Variants in FTO observed in about 807,000 individuals in gnomAD.
FTO encodes the protein FTO alpha-ketoglutarate dependent dioxygenase.
Under a neutral mutation model 63.9 loss-of-function variants are expected in FTO, and 47 were observed. The ratio of observed to expected loss-of-function variants is 0.74; its 90% CI spans 0.58 to 0.94. The LOEUF (loss-of-function observed/expected upper bound fraction) is 0.94, where lower values mean the gene tolerates loss of function less well. Among genes scored for constraint, FTO ranks in the 40% least tolerant of loss-of-function variants. The pLI is 0.00. For missense variants in FTO, 562 were observed against 618.1 expected (o/e 0.91, Z 0.96); for synonymous variants, 207 against 224.4 (o/e 0.92, Z 0.69).
intron 8 of FTO, among the ~76,000 whole-genome samples, chr16:54,011,876 G>A (rs1253599781): frequency 6.6e-6 from 1 of 152,132 alleles, no homozygotes; most frequent in Non-Finnish European, 1.5e-5. Flanking sequence ...TGTGTTCTGA[G>A]TGATCCACCA....
At chr16:53,991,536 A>G (rs1349869773) in intron 8 of FTO, 1 of 152,222 alleles carries the variant, frequency 6.6e-6, no homozygotes, top group African/African-American at 2.4e-5. Context: ...TGTATGCTAA[A>G]TATGCAAGCA....
At chr16:54,016,823 A>T (rs180727017) in intron 8 of FTO, among the ~76,000 whole-genome samples, 1 of 152,280 alleles carries the variant, frequency 6.6e-6, no homozygotes, top group Admixed American at 6.5e-5. Context: ...TGACATAGAG[A>T]CACCTGGCTT....
rs141647526 is a variant in FTO at position 53,923,902 on chromosome 16, G to T, written c.1240-10083G>T. Among the ~76,000 whole-genome samples, 349 of 152,106 alleles carry T rather than the reference G, an allele frequency of 2.3e-3. 1 individual carries two copies. The highest frequency in any genetic ancestry group is 0.01 in the Middle Eastern group (3 of 294). Reference sequence around the variant, plus strand: ...GAGTTTCTGCAGTGGCAGGCAGGCTGCTGTGGCTCCATGGCTTTTTGTCAA... The same window carrying T: ...GAGTTTCTGCAGTGGCAGGCAGGCTTCTGTGGCTCCATGGCTTTTTGTCAA... On this transcript the variant is annotated intron_variant, in intron 7 of 8. Transcript: ENST00000471389.
At chr16:53,826,808 G>A (rs1040317076) in intron 3 of FTO, among the ~76,000 whole-genome samples, 15 of 152,134 alleles carry the variant, frequency 9.9e-5, no homozygotes, top group Non-Finnish European at 4.4e-5. Context: ...TCATACAGCC[G>A]ACTGTCTTCT....
At chr16:53,897,576 G>A (rs2081305927) in intron 7 of FTO, among the ~76,000 whole-genome samples, 1 of 152,170 alleles carries the variant, frequency 6.6e-6, no homozygotes, top group Non-Finnish European at 1.5e-5. Flanking sequence ...AACAGATGTT[G>A]GGGGATTAAG....
rs575480299 is a variant in FTO, at chr16:53,886,655, A to T, written c.1120-2177A>T. Reference sequence around the variant, plus strand: ...GTTTTGTTTTGTTTAAACAACTTTAACTGAAATCAGTCCTACATAGCAAAC... The same window carrying T: ...GTTTTGTTTTGTTTAAACAACTTTATCTGAAATCAGTCCTACATAGCAAAC... On this transcript the variant is annotated intron_variant, in intron 6 of 8. Coordinates refer to ENST00000471389, the MANE Select transcript of FTO (RefSeq NM_001080432.3). 1.4e-3 allele frequency among the ~76,000 whole-genome samples: 208 copies of T among 152,356 alleles called. 1 individual carries two copies. The highest frequency in any genetic ancestry group is 3.1e-3 in the South Asian group (15 of 4,830).
At chr16:54,060,645 A>G (rs2085547211) in intron 8 of FTO, among the ~76,000 whole-genome samples, 1 of 152,210 alleles carries the variant, frequency 6.6e-6, no homozygotes, top group African/African-American at 2.4e-5. Context: ...CTCCTGGGGC[A>G]TGTATTCTAG....
chr16:53,729,777 T>C (rs776059492), intron 1 of FTO, among the ~76,000 whole-genome samples: 1 of 152,048 alleles, frequency 6.6e-6, no homozygotes, highest in African/African-American at 2.4e-5. Context: ...TCCCTTCTCA[T>C]TGGCACCTAG....
chr16:54,111,903 A>G lies in FTO; in HGVS notation c.1506A>G (p.Glu502=). Residue 502 remains glutamate, a synonymous_variant, in exon 9 of 9, where the codon GAA becomes GAG. Coordinates refer to ENST00000471389, the MANE Select transcript of FTO (RefSeq NM_001080432.3). ...CAGAACTCAGAGGTCAGCTTCTGGA[A>G]GCAAAACCCTAGAAGGAGCACAAGT... ...IVSELRGQLL[E]AKP 6.2e-7 allele frequency: 1 copy of G among 1,614,158 alleles called. No individual in the cohort carries two copies. Among genetic ancestry groups the G allele is most frequent in the Non-Finnish European group, 8.5e-7 (1 of 1,180,022 alleles).
intron 8 of FTO, among the ~76,000 whole-genome samples, chr16:53,978,789 G>T (rs2083479896): frequency 6.6e-6 from 1 of 152,154 alleles, no homozygotes. Flanking sequence ...TTGAGGCCAG[G>T]AGTTTGAGAC....
At chr16:53,910,057 A>T (rs1489415450) in intron 7 of FTO, among the ~76,000 whole-genome samples, 1 of 152,068 alleles carries the variant, frequency 6.6e-6, no homozygotes, top group Non-Finnish European at 1.5e-5. Context: ...ATGCCCGGCT[A>T]ATTTATTATT....
chr16:53,988,139 A>T lies in FTO; in HGVS notation c.1364+54030A>T, dbSNP rs565217081. On this transcript the variant is annotated intron_variant, in intron 8 of 8. Coordinates refer to ENST00000471389, the MANE Select transcript of FTO (RefSeq NM_001080432.3). ...AAATTTGGACTGTCTGGAACCAGGT[A>T]ACATTTTAAGAGTTGCCCATTTGTT... Among the ~76,000 whole-genome samples the T allele has an allele frequency of 4.6e-5, 7 of 152,368 alleles. No individual in the cohort carries two copies. In the East Asian group the frequency reaches 1.2e-3, roughly 25 times the overall value.
At chr16:53,866,092 A>AT (rs1321764758) in intron 4 of FTO, among the ~76,000 whole-genome samples, 5 of 152,138 alleles carry the variant, frequency 3.3e-5, no homozygotes, top group African/African-American at 9.7e-5. Flanking sequence ...TTTACTGAGA[A>AT]TTTTTTATCA....
At chr16:53,764,407 G>A (rs28429148) in intron 1 of FTO, 63,687 of 149,466 alleles carry the variant, frequency 0.43, 13,712 homozygotes, top group Non-Finnish European at 0.45. Flanking sequence ...CGAGGCGGGC[G>A]GATCACTAGG....
intron 8 of FTO, among the ~76,000 whole-genome samples, chr16:54,005,992 G>A (rs1228777334): frequency 6.6e-6 from 1 of 152,162 alleles, no homozygotes; most frequent in Non-Finnish European, 1.5e-5. Flanking sequence ...TGATGACACA[G>A]ATTATTGTTC....
chr16:53,821,935 C>T (rs2078874614), intron 2 of FTO, among the ~76,000 whole-genome samples: 2 of 152,206 alleles, frequency 1.3e-5, no homozygotes, highest in Admixed American at 1.3e-4. Flanking sequence ...GAGATCCAAG[C>T]AGCCACCAGC....
intron 7 of FTO, among the ~76,000 whole-genome samples, chr16:53,902,650 G>C (rs1354323508): frequency 2.0e-5 from 3 of 152,124 alleles, no homozygotes; most frequent in Non-Finnish European, 2.9e-5. Context: ...GCATCCTCAT[G>C]TTGCCTTGTG....
At chr16:53,742,303 C>T (rs2076546336) in intron 1 of FTO, among the ~76,000 whole-genome samples, 1 of 152,098 alleles carries the variant, frequency 6.6e-6, no homozygotes, top group Admixed American at 6.5e-5. Context: ...CCAGCCCTTC[C>T]AGTTTTTCAA....
At chr16:53,891,961 G>A (rs553412204) in intron 7 of FTO, among the ~76,000 whole-genome samples, 1 of 152,302 alleles carries the variant, frequency 6.6e-6, no homozygotes, top group South Asian at 2.1e-4. Context: ...TCCTCAGCGT[G>A]TCTTGGGATG....
Sources: allele counts gnomAD v4.1 joint callset (sites outside exome capture counted in the v4.1 genomes callset), GRCh38; gene constraint gnomAD v4.1.1; transcripts MANE v1.5; gene names NCBI Gene and HGNC (gene_info 2026-07-23, HGNC 2026-07-21).